CAPN5: variants seen among roughly 807,000 people sequenced by gnomAD.
CAPN5 encodes the protein calpain 5.
In CAPN5, 54 loss-of-function variants were observed where a neutral mutation model predicts 73.0. The observed-to-expected ratio is 0.74, with a 90% CI of 0.59 to 0.93. CAPN5 has a LOEUF of 0.93. Among genes scored for constraint, CAPN5 ranks in the 40% least tolerant of loss-of-function variants. CAPN5 has a pLI of 0.00. For missense variants in CAPN5, 785 were observed against 882.9 expected, an observed-to-expected ratio of 0.89 and a Z score of 1.41; for synonymous variants, 335 against 356.9, an observed-to-expected ratio of 0.94 and a Z score of 0.69.
At chr11:77,071,125 A>C (rs1555032991) in intron 1 of CAPN5, among the ~76,000 whole-genome samples, 1 of 151,792 alleles carries the variant, frequency 6.6e-6, no homozygotes, top group Non-Finnish European at 1.5e-5. Context: ...CACCATTCCC[A>C]GCTCCCGCCC....
At chr11:77,105,646 G>A (rs1555039749) in intron 3 of CAPN5, among the ~76,000 whole-genome samples, 1 of 152,194 alleles carries the variant, frequency 6.6e-6, no homozygotes, top group African/African-American at 2.4e-5. Context: ...GTGTCCTCAG[G>A]CAGCTCCCAA....
chr11:77,125,141 T>G lies in CAPN5; in HGVS notation c.*1271T>G, dbSNP rs1950560818. The G allele has an allele frequency of 6.6e-6, 1 of 152,484 alleles. No homozygotes were observed. The highest frequency in any genetic ancestry group is 2.4e-5 in the African/African-American group (1 of 41,458). The allele number at this position is 152,484 out of a possible 1,614,324, so 9.4% of individuals were successfully genotyped here. ...CCCACTTGGGATCTCTGCTGTGCCC[T>G]TCTCGGGCTTCCAGACCAGGTGTAG... On this transcript the variant is annotated 3_prime_UTR_variant, in exon 13 of 13. Transcript: ENST00000648180.
At chr11:77,119,293 G>A (rs1950500345) in intron 9 of CAPN5, 141 bp downstream of exon 9, 17 of 929,408 alleles carry the variant, frequency 1.8e-5, no homozygotes, top group Non-Finnish European at 2.7e-5. Context: ...TTGTGAGGAT[G>A]CCGTGGCATG....
intron 7 of CAPN5, among the ~76,000 whole-genome samples, 153 bp downstream of exon 7, chr11:77,116,456 G>A (rs1435485148): frequency 6.6e-6 from 1 of 152,196 alleles, no homozygotes; most frequent in South Asian, 2.1e-4. Flanking sequence ...CCATCTCAGA[G>A]CCTGTTTCCT....
chr11:77,077,800 C>T (rs576694674), intron 1 of CAPN5, among the ~76,000 whole-genome samples: 10 of 152,198 alleles, frequency 6.6e-5, no homozygotes, highest in Non-Finnish European at 1.3e-4. Context: ...CATGCATAAG[C>T]CACTGCGCCC....
chr11:77,073,027 C>CCCCA, intron 1 of CAPN5: 1 of 1,239,698 alleles, frequency 8.1e-7, no homozygotes, highest in Non-Finnish European at 1.1e-6. Flanking sequence ...AGCACACAGC[C>CCCCA]CCCACCCCAC....
intron 1 of CAPN5, among the ~76,000 whole-genome samples, chr11:77,083,893 C>T (rs1950053903): frequency 2.0e-5 from 3 of 152,234 alleles, no homozygotes; most frequent in African/African-American, 4.8e-5. Flanking sequence ...GCCTGCCTTG[C>T]CTTGGTTTCC....
Position 77,084,934 on chromosome 11 carries a change from G to A in CAPN5, c.48G>A (p.Leu16=). ...ATGAGGACCAGAACTACTCAGCCCTGAGGCGGGACTGCCGGCGCAGGAAGG... is the reference window on the plus strand; with the variant it reads ...ATGAGGACCAGAACTACTCAGCCCTAAGGCGGGACTGCCGGCGCAGGAAGG... ...KPYEDQNYSA[L]RRDCRRRKVL... is the part of the protein sequence containing the mutation. The change falls in exon 2 of 13, where the codon CTG becomes CTA. Residue 16 remains leucine, a synonymous_variant. Transcript: ENST00000648180. 6.2e-7 allele frequency: 1 copy of A among 1,614,036 alleles called. No homozygotes were observed.
At position 77,096,479 on chromosome 11, in the gene CAPN5, A is replaced by G. The variant is rs190903838; in HGVS notation, c.297+2666A>G. ...CTTTCCCTCCCCAGCCCCCTCTTAG[A>G]TGGCCCACCTGTTTCTCTGTTCTGT... On this transcript the variant is annotated intron_variant, in intron 3 of 12. Coordinates refer to ENST00000648180, the MANE Select transcript of CAPN5 (RefSeq NM_004055.5). Among the ~76,000 whole-genome samples the G allele has an allele frequency of 2.3e-3, 345 of 152,166 alleles. 3 individuals carry two copies. Among genetic ancestry groups the G allele is most frequent in the African/African-American group, 7.2e-3 (300 of 41,500 alleles).
intron 2 of CAPN5, among the ~76,000 whole-genome samples, chr11:77,088,244 C>T (rs1170547150): frequency 6.6e-6 from 1 of 151,420 alleles, no homozygotes; most frequent in Non-Finnish European, 1.5e-5. Context: ...CTAGTGCAGT[C>T]TCGGGGGCCC....
chr11:77,068,261 T>G (rs577633400), intron 1 of CAPN5, among the ~76,000 whole-genome samples: 4 of 152,232 alleles, frequency 2.6e-5, no homozygotes, highest in African/African-American at 9.6e-5. Flanking sequence ...CAGCTGCTGC[T>G]GCAGGCCAGG....
intron 3 of CAPN5, chr11:77,102,840 A>G (rs782599659): frequency 2.2e-5 from 35 of 1,580,166 alleles, no homozygotes; most frequent in Non-Finnish European, 2.9e-5. Flanking sequence ...CACTTGGGCC[A>G]TGGCGGAGGA....
intron 1 of CAPN5, among the ~76,000 whole-genome samples, chr11:77,075,107 C>T (rs1041861109): frequency 6.6e-6 from 1 of 152,198 alleles, no homozygotes; most frequent in African/African-American, 2.4e-5. Context: ...CCACACTCCC[C>T]ATCACCTTAG....
At chr11:77,091,824 TGG>T (rs111456988) in intron 2 of CAPN5, among the ~76,000 whole-genome samples, 12 of 152,372 alleles carry the variant, frequency 7.9e-5, no homozygotes, top group African/African-American at 2.2e-4. Flanking sequence ...CATAGAGGTC[TGG>T]GCATAGCTTC....
chr11:77,101,624 C>T lies in CAPN5; in HGVS notation c.297+7811C>T, dbSNP rs1026340690. The stretch of plus-strand genomic sequence containing the variant: ...ATCCCACTGATTGATTAGCCACCAT[C>T]TCACAATTGACCGTGCTTGTGGTCC... On this transcript the variant is annotated intron_variant, in intron 3 of 12. Transcript: ENST00000648180. 7.9e-5 allele frequency among the ~76,000 whole-genome samples: 12 copies of T among 152,334 alleles called. 1 individual carries two copies. The South Asian group carries it at 2.5e-3, about 32-fold the overall frequency.
intron 2 of CAPN5, among the ~76,000 whole-genome samples, chr11:77,085,651 T>C (rs1555035369): frequency 2.0e-5 from 3 of 152,130 alleles, no homozygotes; most frequent in South Asian, 2.1e-4. Flanking sequence ...GTGGCGTCTC[T>C]CCGACCACTC....
At chr11:77,114,836 A>G (rs1950449883) in intron 5 of CAPN5, among the ~76,000 whole-genome samples, 1 of 152,138 alleles carries the variant, frequency 6.6e-6, no homozygotes, top group South Asian at 2.1e-4. Flanking sequence ...AGCATTTGCT[A>G]ATTACTGTGG....
chr11:77,084,744 C>G, intron 1 of CAPN5, 108 bp from the exon 2 acceptor site: 4 of 977,174 alleles, frequency 4.1e-6, no homozygotes, highest in South Asian at 1.4e-5. Flanking sequence ...CTCCACGCCT[C>G]GCTGAGCCTT....
intron 1 of CAPN5, among the ~76,000 whole-genome samples, chr11:77,069,625 G>A (rs1383208333): frequency 2.0e-5 from 3 of 152,114 alleles, no homozygotes; most frequent in African/African-American, 7.2e-5. Flanking sequence ...CAGCTGCAAA[G>A]AGCAGGGTCT....
Sources: gnomAD v4.1 joint callset for allele counts (sites outside exome capture counted in the v4.1 genomes callset) on GRCh38, gnomAD v4.1.1 for gene constraint, MANE v1.5 for transcripts, NCBI Gene and HGNC (gene_info 2026-07-23, HGNC 2026-07-21) for gene names.